Variants in SPOCK1 observed in about 807,000 individuals in gnomAD.
The protein encoded by SPOCK1 is testican-1.
Under a neutral mutation model 55.3 loss-of-function variants are expected in SPOCK1, and 23 were observed. The observed-to-expected ratio is 0.42, with a 90% CI of 0.30 to 0.59. The LOEUF is 0.59. SPOCK1 is among the 20% of genes least tolerant of loss of function. The pLI is 0.22. For synonymous variants in SPOCK1, 226 were observed against 221.0 expected (o/e 1.02, Z -0.20); for missense variants, 499 against 552.5 (o/e 0.90, Z 0.97).
chr5:137,026,301 A>G (rs1751673014), intron 6 of SPOCK1, among the ~76,000 whole-genome samples: 1 of 152,242 alleles, frequency 6.6e-6, no homozygotes, highest in Non-Finnish European at 1.5e-5. Flanking sequence ...GTCAAACATT[A>G]TTCTAGATGT....
chr5:137,426,198 A>G (rs1225974333), intron 2 of SPOCK1, among the ~76,000 whole-genome samples: 1 of 152,224 alleles, frequency 6.6e-6, no homozygotes, highest in Non-Finnish European at 1.5e-5. Context: ...ACAGTAAATG[A>G]TCAATTAGTG....
At chr5:137,420,006 A>T (rs1229711) in intron 2 of SPOCK1, among the ~76,000 whole-genome samples, 49,034 of 152,094 alleles carry the variant, frequency 0.32, 8,076 homozygotes, top group Middle Eastern at 0.45. Flanking sequence ...TTTAGCATGA[A>T]GTGTGTTGAA....
chr5:137,293,413 A>G (rs1212622880), intron 2 of SPOCK1, among the ~76,000 whole-genome samples: 1 of 152,182 alleles, frequency 6.6e-6, no homozygotes, highest in Non-Finnish European at 1.5e-5. Context: ...AGGATGGACT[A>G]CATGCTTTAA....
intron 7 of SPOCK1, among the ~76,000 whole-genome samples, chr5:136,991,542 A>G (rs1192014298): frequency 6.6e-6 from 1 of 152,156 alleles, no homozygotes; most frequent in African/African-American, 2.4e-5. Flanking sequence ...ACTGCATTCA[A>G]TCCAGGAGCA....
At chr5:137,467,865 G>A (rs1412274252) in intron 2 of SPOCK1, among the ~76,000 whole-genome samples, 1 of 152,126 alleles carries the variant, frequency 6.6e-6, no homozygotes, top group Non-Finnish European at 1.5e-5. Flanking sequence ...GTTTCTAATT[G>A]GCCCTTGTTC....
chr5:137,136,310 A>G (rs779722293), intron 4 of SPOCK1, among the ~76,000 whole-genome samples: 2 of 152,170 alleles, frequency 1.3e-5, no homozygotes, highest in Non-Finnish European at 2.9e-5. Flanking sequence ...ATGTATAACT[A>G]TATTGCTTGA....
intron 6 of SPOCK1, among the ~76,000 whole-genome samples, chr5:137,065,153 A>G (rs1752483105): frequency 6.7e-6 from 1 of 148,576 alleles, no homozygotes; most frequent in Non-Finnish European, 1.5e-5. Flanking sequence ...GCTTGAACCC[A>G]GGAGGCAGAG....
chr5:137,480,959 T>C (rs1012935488), intron 2 of SPOCK1, among the ~76,000 whole-genome samples: 2 of 152,154 alleles, frequency 1.3e-5, no homozygotes, highest in Non-Finnish European at 2.9e-5. Context: ...TGGGTTATGA[T>C]TTTGAGTATT....
intron 2 of SPOCK1, among the ~76,000 whole-genome samples, chr5:137,356,838 T>TATATATGGAGAG (rs1554077335): frequency 5.5e-4 from 3 of 5,454 alleles, no homozygotes; most frequent in African/African-American, 8.3e-4. Context: ...TATATATATA[T>TATATATGGAGAG]AGAGAGAGAG....
chr5:137,131,583 G>A (rs933835636), intron 4 of SPOCK1, among the ~76,000 whole-genome samples: 10 of 151,522 alleles, frequency 6.6e-5, no homozygotes, highest in Admixed American at 6.6e-4. Flanking sequence ...ACTCCAGCCT[G>A]GGCAACAGAG....
intron 2 of SPOCK1, among the ~76,000 whole-genome samples, chr5:137,361,721 G>A (rs757411027): frequency 8.6e-5 from 13 of 151,994 alleles, no homozygotes; most frequent in East Asian, 1.9e-4. Flanking sequence ...CACAAATTGC[G>A]TATATTACAT....
chr5:137,005,383 G>C (rs1369916458), intron 6 of SPOCK1, among the ~76,000 whole-genome samples: 1 of 136,300 alleles, frequency 7.3e-6, no homozygotes, highest in Non-Finnish European at 1.6e-5. Context: ...GAGCAGCATT[G>C]CATCTATGTT....
chr5:137,248,269 CT>C (rs1756436591), intron 3 of SPOCK1, among the ~76,000 whole-genome samples: 1 of 152,210 alleles, frequency 6.6e-6, no homozygotes, highest in South Asian at 2.1e-4. Context: ...TACTTAGCCC[CT>C]GATATTATAA....
intron 3 of SPOCK1, among the ~76,000 whole-genome samples, chr5:137,196,991 G>A (rs186712426): frequency 6.6e-6 from 1 of 152,362 alleles, no homozygotes; most frequent in East Asian, 1.9e-4. Context: ...CCCCGGAGCT[G>A]TTGAAGAAAT....
At chr5:137,250,378 C>A (rs1213674347) in intron 3 of SPOCK1, among the ~76,000 whole-genome samples, 1 of 152,202 alleles carries the variant, frequency 6.6e-6, no homozygotes, top group African/African-American at 2.4e-5. Flanking sequence ...TAATAGATAG[C>A]CTCAACTCCA....
chr5:137,151,221 G>A (rs1313713779), intron 3 of SPOCK1, among the ~76,000 whole-genome samples: 1 of 151,948 alleles, frequency 6.6e-6, no homozygotes, highest in Non-Finnish European at 1.5e-5. Flanking sequence ...TCAAACTCCT[G>A]GCCTCAAGCA....
intron 3 of SPOCK1, among the ~76,000 whole-genome samples, chr5:137,154,119 C>T (rs1216899716): frequency 6.6e-6 from 1 of 152,044 alleles, no homozygotes; most frequent in Non-Finnish European, 1.5e-5. Context: ...GAAACCCCAT[C>T]TCTACTAAAA....
At chr5:137,458,039 T>G (rs1349207138) in intron 2 of SPOCK1, among the ~76,000 whole-genome samples, 3 of 152,206 alleles carry the variant, frequency 2.0e-5, no homozygotes, top group Non-Finnish European at 4.4e-5. Flanking sequence ...AGGTGGTTTC[T>G]TTATGGACGA....
At chr5:137,291,465 G>A (rs1757368481) in intron 2 of SPOCK1, among the ~76,000 whole-genome samples, 1 of 152,192 alleles carries the variant, frequency 6.6e-6, no homozygotes, top group African/African-American at 2.4e-5. Flanking sequence ...AGATCTCCCA[G>A]GTCCTACAAA....
Sources: allele counts gnomAD v4.1 joint callset (sites outside exome capture counted in the v4.1 genomes callset), GRCh38; gene constraint gnomAD v4.1.1; transcripts MANE v1.5; gene names NCBI Gene and HGNC (gene_info 2026-07-23, HGNC 2026-07-21).